Variants in AGBL1 observed in about 807,000 individuals in gnomAD.
AGBL1 encodes AGBL carboxypeptidase 1, also known as cytosolic carboxypeptidase 4.
Under a neutral mutation model 118.9 loss-of-function variants are expected in AGBL1, and 130 were observed. The observed-to-expected ratio is 1.09, with a 90% CI of 0.95 to 1.26. AGBL1 has a LOEUF of 1.26. Among genes scored for constraint, AGBL1 ranks in the 50% most tolerant of loss-of-function variants. The pLI, the probability that AGBL1 is intolerant of heterozygous loss-of-function variation, is 0.00. For synonymous variants in AGBL1, 555 were observed against 478.9 expected, an observed-to-expected ratio of 1.16 and a Z score of -2.08; for missense variants, 1,584 against 1,298.1, an observed-to-expected ratio of 1.22 and a Z score of -3.38.
chr15:86,929,001 C>G (rs1450874167), intron 23 of AGBL1, among the ~76,000 whole-genome samples: 1 of 152,004 alleles, frequency 6.6e-6, no homozygotes, highest in Non-Finnish European at 1.5e-5. Context: ...TTTAATCATT[C>G]CATACTGAAA....
At chr15:86,957,345 T>C (rs979991690) in intron 23 of AGBL1, among the ~76,000 whole-genome samples, 21 of 152,076 alleles carry the variant, frequency 1.4e-4, no homozygotes, top group African/African-American at 3.9e-4. Flanking sequence ...TAGCCACTAA[T>C]GCAGAAGAAA....
chr15:86,346,334 CTTTCT>C (rs895519218), intron 17 of AGBL1, among the ~76,000 whole-genome samples: 3 of 150,578 alleles, frequency 2.0e-5, no homozygotes, highest in Admixed American at 6.6e-5. Context: ...TAAGCTCATT[CTTTCT>C]TTTCTTTTCT....
chr15:87,029,018 A>T, exon 25 of AGBL1: 1 of 598,840 alleles, frequency 1.7e-6, no homozygotes, highest in Non-Finnish European at 2.8e-6. Context: ...AAACATAAGG[A>T]CAGGCAATCT....
intron 23 of AGBL1, among the ~76,000 whole-genome samples, chr15:86,948,434 A>G (rs1328075766): frequency 6.6e-6 from 1 of 152,230 alleles, no homozygotes; most frequent in African/African-American, 2.4e-5. Flanking sequence ...TAAATATAAG[A>G]ATACTAATAT....
At chr15:86,665,981 TAGA>T (rs1381316702) in intron 21 of AGBL1, among the ~76,000 whole-genome samples, 1 of 152,268 alleles carries the variant, frequency 6.6e-6, no homozygotes, top group Admixed American at 6.5e-5. Flanking sequence ...CATCATCGCG[TAGA>T]AGAGCTTTTT....
chr15:86,391,640 G>GTTTTTTT lies in AGBL1; in HGVS notation c.2375-5707_2375-5701dup, dbSNP rs751427467. ...ATACCTTTGTATAATGTTGTTGTTG[G>GTTTTTTT]TTTTTTTTTTTTTTTTTTTTTTTTT... is the stretch of plus-strand genomic sequence containing the variant. On this transcript the variant is annotated intron_variant, in intron 17 of 22. Transcript: ENST00000614907. Among the ~76,000 whole-genome samples, 206 of 73,806 alleles carry GTTTTTTT rather than the reference G, an allele frequency of 2.8e-3. 2 individuals carry two copies. Among genetic ancestry groups the GTTTTTTT allele is most frequent in the African/African-American group, 3.8e-3 (68 of 17,772 alleles). 48.4% of individuals were successfully genotyped at this position (73,806 alleles called of 152,430 possible).
intron 5 of AGBL1, among the ~76,000 whole-genome samples, chr15:86,185,605 A>C (rs1290247877): frequency 6.6e-6 from 1 of 152,160 alleles, no homozygotes; most frequent in African/African-American, 2.4e-5. Context: ...TGTCCTTTGT[A>C]AGGACATGGA....
intron 21 of AGBL1, among the ~76,000 whole-genome samples, chr15:86,644,636 C>CA (rs202060119): frequency 0.086 from 9,627 of 111,990 alleles, 381 homozygotes; most frequent in Non-Finnish European, 0.1. Context: ...GGCCTGAACT[C>CA]AAAAAAAAAA....
intron 22 of AGBL1, among the ~76,000 whole-genome samples, chr15:86,776,766 G>A (rs1052135504): frequency 8.0e-5 from 12 of 150,096 alleles, no homozygotes; most frequent in Non-Finnish European, 1.0e-4. Context: ...GTGTGTGTGT[G>A]TGTGTGTGTG....
At chr15:86,636,665 A>G (rs1268798386) in intron 21 of AGBL1, among the ~76,000 whole-genome samples, 1 of 123,688 alleles carries the variant, frequency 8.1e-6, no homozygotes, top group Non-Finnish European at 1.7e-5. Flanking sequence ...TTTTAATCTT[A>G]TCATATTGGC....
In AGBL1 at chr15:86,186,363, TTAAAA is replaced by T. The variant is rs576689842; in HGVS notation, c.488+27343_488+27347del. On this transcript the variant is annotated intron_variant, in intron 5 of 22. Coordinates refer to ENST00000614907, the MANE Select transcript of AGBL1 (RefSeq NM_001386094.1). ...ATATCTTGCACATGTATCCCGGAACTTAAAATAAAAGTTGAAGAAATCAAAAAGAG... is the reference window on the plus strand; with the variant it reads ...ATATCTTGCACATGTATCCCGGAACTTAAAAGTTGAAGAAATCAAAAAGAG... Among the ~76,000 whole-genome samples, 9 of 152,280 alleles carry T rather than the reference TTAAAA, an allele frequency of 5.9e-5. No homozygotes were observed. In the South Asian group the frequency reaches 1.7e-3, roughly 28 times the overall value.
intron 21 of AGBL1, among the ~76,000 whole-genome samples, chr15:86,595,977 G>A (rs569863448): frequency 5.8e-4 from 88 of 152,124 alleles, no homozygotes; most frequent in Admixed American, 8.5e-4. Flanking sequence ...TCCCCAGAAA[G>A]CCAAAGTCTG....
intron 18 of AGBL1, among the ~76,000 whole-genome samples, chr15:86,432,891 T>C (rs1596108149): frequency 6.6e-6 from 1 of 152,184 alleles, no homozygotes; most frequent in Admixed American, 6.5e-5. Flanking sequence ...CAGGGGCAGG[T>C]TGCACTGACT....
chr15:86,342,000 C>G (rs4887222), intron 17 of AGBL1, among the ~76,000 whole-genome samples: 7,056 of 152,196 alleles, frequency 0.046, 197 homozygotes, highest in South Asian at 0.082. Flanking sequence ...TAATTACTTT[C>G]TGAAATACTG....
At chr15:86,455,080 C>T (rs910237429) in intron 18 of AGBL1, among the ~76,000 whole-genome samples, 1 of 152,076 alleles carries the variant, frequency 6.6e-6, no homozygotes, top group Admixed American at 6.5e-5. Flanking sequence ...AGAGCAAGCT[C>T]TGATTCAAGA....
chr15:86,611,504 A>G (rs2084653332), intron 21 of AGBL1, among the ~76,000 whole-genome samples: 1 of 152,172 alleles, frequency 6.6e-6, no homozygotes, highest in South Asian at 2.1e-4. Context: ...CTCAACCCCA[A>G]ATCAGGAGAA....
At chr15:86,598,841 T>A (rs150390867) in intron 21 of AGBL1, among the ~76,000 whole-genome samples, 113 of 152,242 alleles carry the variant, frequency 7.4e-4, no homozygotes, top group Non-Finnish European at 1.3e-3. Context: ...GAAATTAGGG[T>A]CAACTGTTGA....
chr15:86,455,133 A>T (rs1345451530), intron 18 of AGBL1, among the ~76,000 whole-genome samples: 22 of 152,206 alleles, frequency 1.4e-4, no homozygotes, highest in Admixed American at 1.4e-3. Flanking sequence ...GCAGCTGATG[A>T]TAAAAGCAAT....
At chr15:86,466,555 A>G (rs1411242960) in intron 18 of AGBL1, among the ~76,000 whole-genome samples, 3 of 152,172 alleles carry the variant, frequency 2.0e-5, no homozygotes, top group African/African-American at 7.2e-5. Context: ...GTTGTGATCC[A>G]TTGGAGGAGA....
Sources: allele counts gnomAD v4.1 joint callset (sites outside exome capture counted in the v4.1 genomes callset), GRCh38; gene constraint gnomAD v4.1.1; transcripts MANE v1.5; gene names NCBI Gene and HGNC (gene_info 2026-07-23, HGNC 2026-07-21).